Variants in RBFOX1 observed in about 807,000 individuals in gnomAD.
RBFOX1 encodes RNA binding protein fox-1 homolog 1.
In RBFOX1, 8 loss-of-function variants were observed where a neutral mutation model predicts 57.7. The observed-to-expected ratio is 0.14, with a 90% CI of 0.08 to 0.25. The LOEUF (loss-of-function observed/expected upper bound fraction) is 0.25. RBFOX1 is among the 10% of genes least tolerant of loss of function. The pLI, the probability that RBFOX1 is intolerant of heterozygous loss-of-function variation, is 1.00. For synonymous variants in RBFOX1, 326 were observed against 222.4 expected, an observed-to-expected ratio of 1.47 and a Z score of -4.15; for missense variants, 611 against 548.5, an observed-to-expected ratio of 1.11 and a Z score of -1.14.
At chr16:5,852,387 A>T (rs1052795588) in intron 3 of RBFOX1, among the ~76,000 whole-genome samples, 4 of 152,178 alleles carry the variant, frequency 2.6e-5, no homozygotes, top group African/African-American at 7.2e-5. Context: ...GATGTGGTTT[A>T]GTTGAAGTTG....
chr16:5,478,726 C>T (rs1051655384), intron 2 of RBFOX1, among the ~76,000 whole-genome samples: 14 of 152,238 alleles, frequency 9.2e-5, no homozygotes, highest in Middle Eastern at 3.4e-3. Flanking sequence ...AACCCCAGCA[C>T]GAGGCACCTT....
In RBFOX1 at chr16:6,950,113, ATTTTTTTTTT is replaced by A. The variant is rs58222300; in HGVS notation, c.-15-101930_-15-101921del. ...AGGCATGCGCCACTACGCAGAGGTA[ATTTTTTTTTT>A]TTTTTTTTTTTTTAAGTAGCCATGG... On this transcript the variant is annotated intron_variant, in intron 3 of 15. Transcript: ENST00000550418. 2.0e-3 allele frequency among the ~76,000 whole-genome samples: 246 copies of A among 120,922 alleles called. 1 individual carries two copies. Among genetic ancestry groups the A allele is most frequent in the Admixed American group, 5.2e-3 (58 of 11,262 alleles). 79.3% of individuals were successfully genotyped at this position (120,922 alleles called of 152,430 possible). A position where few individuals can be genotyped will look rare whatever the true frequency, so the allele number is the denominator to read the frequency against.
At chr16:7,682,227 G>C (rs932960553) in intron 14 of RBFOX1, among the ~76,000 whole-genome samples, 3 of 152,128 alleles carry the variant, frequency 2.0e-5, no homozygotes, top group African/African-American at 7.2e-5. Context: ...CTTTATGCTA[G>C]ACTCTGTATC....
chr16:6,646,139 G>A (rs2098532772), intron 2 of RBFOX1, among the ~76,000 whole-genome samples: 2 of 152,144 alleles, frequency 1.3e-5, no homozygotes, highest in Admixed American at 1.3e-4. Flanking sequence ...AAGTGGTCGA[G>A]TGGGGCTGAA....
chr16:6,787,587 C>G (rs897418429), intron 3 of RBFOX1, among the ~76,000 whole-genome samples: 1 of 152,132 alleles, frequency 6.6e-6, no homozygotes, highest in Non-Finnish European at 1.5e-5. Flanking sequence ...ACCTGTGACA[C>G]CCTTCACAGT....
chr16:7,333,480 G>A (rs1371318650), intron 4 of RBFOX1, among the ~76,000 whole-genome samples: 1 of 152,182 alleles, frequency 6.6e-6, no homozygotes, highest in Non-Finnish European at 1.5e-5. Flanking sequence ...CCCAGGAAAT[G>A]AAAGGAGCAT....
chr16:7,647,555 A>AAG (rs1555712632), intron 11 of RBFOX1, among the ~76,000 whole-genome samples: 11 of 151,662 alleles, frequency 7.3e-5, no homozygotes, highest in Admixed American at 3.3e-4. Context: ...GGAAAAAAAA[A>AAG]AAAAAAGCAA....
chr16:6,821,691 T>G (rs2091336126), intron 3 of RBFOX1, among the ~76,000 whole-genome samples: 1 of 152,226 alleles, frequency 6.6e-6, no homozygotes, highest in African/African-American at 2.4e-5. Flanking sequence ...CAAGATTAAT[T>G]CACATGATAG....
chr16:7,595,638 C>T lies in RBFOX1; in HGVS notation c.558C>T (p.Ile186=). The part of the protein sequence containing the change: ...LHGTVVEGRK[I]EVNNATARVM... Reference sequence around the variant, plus strand: ...GCACCGTGGTAGAGGGCCGTAAAATCGAGGTGCATGTTCAAAATATTTTCC... The same window carrying T: ...GCACCGTGGTAGAGGGCCGTAAAATTGAGGTGCATGTTCAAAATATTTTCC... Residue 186 remains isoleucine (I), a synonymous_variant, in exon 8 of 16, where the codon ATC becomes ATT. Coordinates refer to ENST00000550418, the MANE Select transcript of RBFOX1 (RefSeq NM_018723.4). The T allele has an allele frequency of 1.9e-6, 3 of 1,573,966 alleles. No homozygotes were observed. The highest frequency in any genetic ancestry group is 2.6e-6 in the Non-Finnish European group (3 of 1,157,840).
intron 1 of RBFOX1, among the ~76,000 whole-genome samples, chr16:6,298,123 C>G (rs888091193): frequency 1.3e-5 from 2 of 152,218 alleles, no homozygotes; most frequent in South Asian, 4.1e-4. Context: ...CACTGTAACA[C>G]ACGCCCAGTT....
At chr16:7,426,010 G>A (rs1349631411) in intron 4 of RBFOX1, among the ~76,000 whole-genome samples, 3 of 152,146 alleles carry the variant, frequency 2.0e-5, no homozygotes, top group South Asian at 2.1e-4. Context: ...TGTTCAAGGC[G>A]GCATCTGGGC....
intron 1 of RBFOX1, among the ~76,000 whole-genome samples, chr16:6,176,860 G>A (rs8045688): frequency 0.49 from 74,111 of 151,888 alleles, 18,339 homozygotes; most frequent in Admixed American, 0.56. Flanking sequence ...GTTGCCTCCA[G>A]CAAGCATTCA....
intron 6 of RBFOX1, among the ~76,000 whole-genome samples, chr16:7,584,093 C>T (rs1451628683): frequency 6.6e-6 from 1 of 152,190 alleles, no homozygotes; most frequent in Non-Finnish European, 1.5e-5. Flanking sequence ...GAACAGGAAG[C>T]TGACACTAAG....
chr16:5,754,379 G>T (rs572073533), intron 3 of RBFOX1, among the ~76,000 whole-genome samples: 6 of 152,292 alleles, frequency 3.9e-5, no homozygotes, highest in African/African-American at 1.4e-4. Context: ...TGTTTTAATT[G>T]ATGATTGATG....
At chr16:6,411,684 G>C (rs1381255817) in intron 2 of RBFOX1, among the ~76,000 whole-genome samples, 1 of 152,194 alleles carries the variant, frequency 6.6e-6, no homozygotes, top group Non-Finnish European at 1.5e-5. Flanking sequence ...CTGTTACCTT[G>C]GATGAGTCTA....
intron 1 of RBFOX1, among the ~76,000 whole-genome samples, chr16:5,340,095 C>G (rs2151293264): frequency 6.6e-6 from 1 of 152,308 alleles, no homozygotes; most frequent in Admixed American, 6.5e-5. Context: ...CTTTATAATT[C>G]ATCCATTTCT....
intron 1 of RBFOX1, among the ~76,000 whole-genome samples, chr16:5,417,878 T>G (rs1340782046): frequency 6.6e-6 from 1 of 152,046 alleles, no homozygotes; most frequent in Non-Finnish European, 1.5e-5. Flanking sequence ...GTCAGGAGTT[T>G]GAGATCATCC....
At chr16:7,353,036 C>A (rs2097155626) in intron 4 of RBFOX1, among the ~76,000 whole-genome samples, 2 of 152,060 alleles carry the variant, frequency 1.3e-5, no homozygotes, top group South Asian at 4.1e-4. Context: ...TTCCATATGG[C>A]TTCAGGTTAC....
intron 2 of RBFOX1, among the ~76,000 whole-genome samples, chr16:5,565,631 A>AATAG (rs771092324): frequency 1.8e-5 from 1 of 56,172 alleles, no homozygotes; most frequent in Non-Finnish European, 3.7e-5. Context: ...GCCTTACATA[A>AATAG]ATAAATAAAT....
Sources: allele counts gnomAD v4.1 joint callset (sites outside exome capture counted in the v4.1 genomes callset), GRCh38; gene constraint gnomAD v4.1.1; transcripts MANE v1.5; gene names NCBI Gene and HGNC (gene_info 2026-07-23, HGNC 2026-07-21).